EDRF1: variants seen among roughly 807,000 people sequenced by gnomAD.
EDRF1 encodes the protein erythroid differentiation regulatory factor 1.
In EDRF1, 69 loss-of-function variants were observed where a neutral mutation model predicts 148.7. The observed-to-expected ratio is 0.46, with a 90% CI of 0.38 to 0.57. EDRF1 has a LOEUF of 0.57. Among genes scored for constraint, EDRF1 ranks in the 20% least tolerant of loss-of-function variants. The probability of loss-of-function intolerance (pLI) is 0.00; values close to 1 mark genes in which losing one functional copy is unlikely to be tolerated. For missense variants in EDRF1, 1,118 were observed against 1,478.7 expected (o/e 0.76, Z 4.00); for synonymous variants, 515 against 532.8 (o/e 0.97, Z 0.46).
In EDRF1 at chr10:125,740,597, C is replaced by T; in HGVS notation, c.2116C>T (p.Leu706Phe). 4.3e-6 allele frequency: 7 copies of T among 1,614,070 alleles called. No individual in the cohort carries two copies. Among genetic ancestry groups the T allele is most frequent in the Non-Finnish European group, 5.9e-6 (7 of 1,180,032 alleles). Residue 706 changes from leucine (L) to phenylalanine (F), a missense_variant, in exon 16 of 25, where the codon CTT becomes TTT. Coordinates refer to ENST00000356792, the MANE Select transcript of EDRF1 (RefSeq NM_001202438.2). ...TGTTTTGTCCGATGCTGCCATGAGT[C>T]TTCAGAAATACGGAAGAGCATTACG... ...YYVLSDAAMS[L>F]QKYGRALRYI...
At chr10:125,753,579 CTTG>C in intron 23 of EDRF1, 112 bp from the exon 24 acceptor site, 1 of 1,175,864 alleles carries the variant, frequency 8.5e-7, no homozygotes, top group East Asian at 2.4e-5. Context: ...GTTTGTTTGT[CTTG>C]TTTAGGGTTA....
chr10:125,738,223 A>G, intron 14 of EDRF1, 72 bp from the exon 15 acceptor site: 1 of 1,575,532 alleles, frequency 6.3e-7, no homozygotes, highest in Non-Finnish European at 8.7e-7. Context: ...AGTAGTCCAG[A>G]TACTGTCTTA....
At chr10:125,738,620 G>T (rs1848854769) in intron 15 of EDRF1, among the ~76,000 whole-genome samples, 175 bp downstream of exon 15, 2 of 152,268 alleles carry the variant, frequency 1.3e-5, no homozygotes, top group African/African-American at 4.8e-5. Flanking sequence ...GGATAATTTT[G>T]ATGTTTCATG....
chr10:125,729,817 A>G (rs1293827020), intron 8 of EDRF1, among the ~76,000 whole-genome samples: 3 of 152,246 alleles, frequency 2.0e-5, no homozygotes, highest in African/African-American at 7.2e-5. Context: ...GGACTGGCCT[A>G]GTCTTAGGTC....
intron 8 of EDRF1, 96 bp from the exon 9 acceptor site, chr10:125,730,192 A>G: frequency 1.1e-6 from 1 of 944,978 alleles, no homozygotes; most frequent in South Asian, 1.4e-5. Context: ...TCTAGAGAGG[A>G]CAGCTTAAGA....
intron 12 of EDRF1, among the ~76,000 whole-genome samples, chr10:125,734,671 G>A (rs924790513): frequency 6.6e-6 from 1 of 151,960 alleles, no homozygotes; most frequent in Non-Finnish European, 1.5e-5. Context: ...CACACTTCAG[G>A]ATATTAAAGC....
chr10:125,754,059 T>C (rs1471642259), intron 24 of EDRF1, among the ~76,000 whole-genome samples: 1 of 151,716 alleles, frequency 6.6e-6, no homozygotes, highest in East Asian at 1.9e-4. Flanking sequence ...CTACCAAAAA[T>C]ACAAAAACTA....
intron 22 of EDRF1, chr10:125,751,866 C>T (rs1228618906): frequency 2.0e-5 from 3 of 152,228 alleles, no homozygotes; most frequent in Non-Finnish European, 4.4e-5. Context: ...GTTCTAAGCG[C>T]GGAGCTCCCA....
Position 125,729,612 on chromosome 10 carries a change from A to T in EDRF1, c.1016+133A>T. ...ACTCCAGCCTAGGCGAAAGAGCAAGACTCGTCTCAAAAAAGAATCAGTGTT... is the reference window on the plus strand; with the variant it reads ...ACTCCAGCCTAGGCGAAAGAGCAAGTCTCGTCTCAAAAAAGAATCAGTGTT... On this transcript the variant is annotated intron_variant, in intron 8 of 24. Coordinates refer to ENST00000356792, the MANE Select transcript of EDRF1 (RefSeq NM_001202438.2). 6.0e-6 allele frequency: 7 copies of T among 1,170,006 alleles called. No homozygotes were observed. The South Asian group carries it at 7.5e-5, about 13-fold the overall frequency. 72.5% of individuals were successfully genotyped at this position (1,170,006 alleles called of 1,614,324 possible). A position where few individuals can be genotyped will look rare whatever the true frequency, so the allele number is the denominator to read the frequency against.
intron 4 of EDRF1, 65 bp from the exon 5 acceptor site, chr10:125,725,253 A>C: frequency 6.3e-7 from 1 of 1,589,742 alleles, no homozygotes; most frequent in Non-Finnish European, 8.6e-7. Context: ...TCTGTAAGCT[A>C]GTACTAGGTA....
chr10:125,737,001 A>G (rs1848769644), intron 13 of EDRF1, among the ~76,000 whole-genome samples: 2 of 152,084 alleles, frequency 1.3e-5, no homozygotes, highest in South Asian at 4.1e-4. Context: ...TGTCTAGAAC[A>G]CATTATGGGT....
At position 125,749,489 on chromosome 10, in the gene EDRF1, G is replaced by A; in HGVS notation, c.3201G>A (p.Gln1067=). Residue 1067 remains glutamine (Q), a synonymous_variant, in exon 22 of 25, where the codon CAG becomes CAA. Transcript: ENST00000356792. ...ACAGCAAGGCCGCAAAGCTGTTTCAGCTGCTGAAAGATGCTCCCTGCGAAC... is the reference window on the plus strand; with the variant it reads ...ACAGCAAGGCCGCAAAGCTGTTTCAACTGCTGAAAGATGCTCCCTGCGAAC... The part of the protein sequence containing the change: ...LHYSKAAKLF[Q]LLKDAPCELL... 1.2e-6 allele frequency: 2 copies of A among 1,614,186 alleles called. No individual in the cohort carries two copies. Among genetic ancestry groups the A allele is most frequent in the Non-Finnish European group, 1.7e-6 (2 of 1,180,036 alleles).
rs2133672129 is a variant in EDRF1 at position 125,725,314 on chromosome 10, C to G, written c.511-4C>G. On this transcript the variant is annotated splice_polypyrimidine_tract_variant and splice_region_variant and intron_variant, in intron 4 of 24. Coordinates refer to ENST00000356792, the MANE Select transcript of EDRF1 (RefSeq NM_001202438.2). ...ATTAATAATATGTATCTCATGTTAT[C>G]CAGACTGGTGACTGGACATGGTTGA... The G allele has an allele frequency of 6.2e-7, 1 of 1,613,862 alleles. No homozygotes were observed. Among genetic ancestry groups the G allele is most frequent in the African/African-American group, 1.3e-5 (1 of 75,022 alleles).
At position 125,719,888 on chromosome 10, in the gene EDRF1, G is replaced by A. The variant is rs555027542; in HGVS notation, c.81G>A (p.Gln27=). 6.2e-7 allele frequency: 1 copy of A among 1,613,272 alleles called. No homozygotes were observed. The highest frequency in any genetic ancestry group is 8.5e-7 in the Non-Finnish European group (1 of 1,179,894). ...GAGGAGGGCTCAGCCTCCTGTCCCA[G>A]GGAGAATCCGAGGAATCTTCTGCAC... ...AARGGLSLLS[Q]GESEESSAQG... Residue 27 remains glutamine, a synonymous_variant, in exon 1 of 25, where the codon CAG becomes CAA. Coordinates refer to ENST00000356792, the MANE Select transcript of EDRF1 (RefSeq NM_001202438.2).
chr10:125,740,381 C>G, intron 15 of EDRF1, 82 bp from the exon 16 acceptor site: 1 of 1,398,860 alleles, frequency 7.1e-7, no homozygotes, highest in Non-Finnish European at 1.0e-6. Flanking sequence ...GTGTTTCCAT[C>G]AAGAAACAGA....
chr10:125,763,549 C>T lies in EDRF1; in HGVS notation c.*77C>T. ...GGTTTGTTCATTCGGTGCTTTGTTT[C>T]ATTAAATAATAGGGAAATATCCATT... On this transcript the variant is annotated 3_prime_UTR_variant, in exon 25 of 25. Coordinates refer to ENST00000356792, the MANE Select transcript of EDRF1 (RefSeq NM_001202438.2). The surrounding 1 kb of genome is among the most constrained non-coding windows in gnomAD (Gnocchi z 4.3). 2 of 1,439,016 alleles carry T rather than the reference C, an allele frequency of 1.4e-6. No homozygotes were observed. The highest frequency in any genetic ancestry group is 1.9e-6 in the Non-Finnish European group (2 of 1,051,916). 89.1% of individuals were successfully genotyped at this position (1,439,016 alleles called of 1,614,324 possible).
chr10:125,749,814 G>A, intron 22 of EDRF1: 2 of 483,656 alleles, frequency 4.1e-6, no homozygotes, highest in African/African-American at 2.0e-5. Context: ...CCCTAGTTTG[G>A]AAAAAAAATT....
At chr10:125,728,886 T>C in intron 6 of EDRF1, 117 bp from the exon 7 acceptor site, 1 of 815,748 alleles carries the variant, frequency 1.2e-6, no homozygotes, top group Middle Eastern at 2.3e-4. Context: ...GGCCTAATAA[T>C]TCACAATGGT....
chr10:125,722,344 A>G (rs1206111543), intron 2 of EDRF1, among the ~76,000 whole-genome samples: 1 of 152,228 alleles, frequency 6.6e-6, no homozygotes, highest in Non-Finnish European at 1.5e-5. Context: ...ACTGTTAATT[A>G]TATTGCACCT....
Sources: allele counts gnomAD v4.1 joint callset (sites outside exome capture counted in the v4.1 genomes callset), GRCh38; gene constraint gnomAD v4.1.1; non-coding constraint Gnocchi (gnomAD v3.1); transcripts MANE v1.5; gene names NCBI Gene and HGNC (gene_info 2026-07-23, HGNC 2026-07-21).